The following RANBP10 variants were observed in gnomAD, a reference collection of about 807,000 sequenced individuals.
RANBP10 encodes the protein ran-binding protein 10.
RANBP10 carries 24 observed loss-of-function variants against 72.8 expected under a neutral mutation model. The observed-to-expected ratio is 0.33, with a 90% CI of 0.24 to 0.46. The LOEUF (loss-of-function observed/expected upper bound fraction) is 0.46, where lower values mean the gene tolerates loss of function less well. Among genes scored for constraint, RANBP10 ranks in the 20% least tolerant of loss-of-function variants. RANBP10 has a pLI of 1.00. For missense variants in RANBP10, 679 were observed against 817.5 expected, an observed-to-expected ratio of 0.83 and a Z score of 2.07; for synonymous variants, 310 against 322.3, an observed-to-expected ratio of 0.96 and a Z score of 0.41.
intron 2 of RANBP10, among the ~76,000 whole-genome samples, chr16:67,788,183 TTGAC>T (rs981352831): frequency 2.6e-5 from 4 of 151,920 alleles, no homozygotes; most frequent in Non-Finnish European, 5.9e-5. Flanking sequence ...GGAACTTTGA[TTGAC>T]TGACTGATTG....
At chr16:67,765,784 C>T (rs761390516) in intron 3 of RANBP10, among the ~76,000 whole-genome samples, 4 of 151,940 alleles carry the variant, frequency 2.6e-5, no homozygotes, top group Non-Finnish European at 5.9e-5. Flanking sequence ...TGCAGTGAGC[C>T]GAGATCGCGC....
At chr16:67,757,476 C>A (rs1446841622) in intron 3 of RANBP10, among the ~76,000 whole-genome samples, 1 of 152,112 alleles carries the variant, frequency 6.6e-6, no homozygotes, top group Admixed American at 6.6e-5. Flanking sequence ...ATGAGTGCTG[C>A]GCTGGCTTGG....
intron 6 of RANBP10, among the ~76,000 whole-genome samples, chr16:67,733,500 C>CA (rs1425861755): frequency 1.3e-5 from 2 of 152,126 alleles, no homozygotes; most frequent in African/African-American, 4.8e-5. Context: ...CCTGACCTTC[C>CA]ACTAGAGGAA....
intron 3 of RANBP10, among the ~76,000 whole-genome samples, chr16:67,770,226 A>G (rs1170718339): frequency 2.6e-5 from 4 of 152,146 alleles, no homozygotes; most frequent in Admixed American, 6.6e-5. Context: ...AGAGCTACAG[A>G]TACTACAGCT....
chr16:67,740,567 C>T (rs1036341651), intron 4 of RANBP10, among the ~76,000 whole-genome samples: 1 of 152,066 alleles, frequency 6.6e-6, no homozygotes, highest in African/African-American at 2.4e-5. Context: ...GGTCTGACAA[C>T]AGGTCTCCCA....
chr16:67,735,097 CCTCACCTCACCTCCATGG>C, intron 5 of RANBP10, 55 bp from the exon 6 acceptor site: 1 of 1,440,210 alleles, frequency 6.9e-7, no homozygotes, highest in Non-Finnish European at 9.4e-7. Context: ...GGTTCTAAGG[CCTCACCTCACCTCCATGG>C]CTGCTGCTGG....
In RANBP10 at chr16:67,726,523, G is replaced by A. The variant is rs753280587; in HGVS notation, c.1768C>T (p.Leu590Phe). 8.3e-6 allele frequency: 13 copies of A among 1,571,994 alleles called. No homozygotes were observed. In the Middle Eastern group the frequency reaches 8.3e-4, roughly 100 times the overall value. The change falls in exon 14 of 14, where the codon CTC (leucine) becomes TTC (phenylalanine). Residue 590 changes from leucine (L) to phenylalanine (F), a missense_variant. Transcript: ENST00000317506. Reference sequence around the variant, plus strand: ...CACTCAGATGCCTGGCCCAGGGCGAGCATCAGAGGGGGCTGCTTTGGCAGG... The same window carrying A: ...CACTCAGATGCCTGGCCCAGGGCGAACATCAGAGGGGGCTGCTTTGGCAGG... ...QNLPKQPPLM[L>F]ALGQASECLR...
In RANBP10 at chr16:67,729,061, C is replaced by T. The variant is rs1017703386; in HGVS notation, c.1352+219G>A. Among the ~76,000 whole-genome samples the T allele has an allele frequency of 6.6e-6, 1 of 152,242 alleles. No individual in the cohort carries two copies. Among genetic ancestry groups the T allele is most frequent in the Non-Finnish European group, 1.5e-5 (1 of 68,044 alleles). ...CATCCTCAGCCTGGCATCATTGGAGCCTCTGGAGAAAGCCAAGGCCAAAGA... is the reference window on the plus strand; with the variant it reads ...CATCCTCAGCCTGGCATCATTGGAGTCTCTGGAGAAAGCCAAGGCCAAAGA... On this transcript the variant is annotated intron_variant, in intron 10 of 13. Coordinates refer to ENST00000317506, the MANE Select transcript of RANBP10 (RefSeq NM_020850.3). This position sits in a 1 kb window ranked among gnomAD's most constrained non-coding sequence, Gnocchi z 7.1.
intron 3 of RANBP10, among the ~76,000 whole-genome samples, chr16:67,754,878 G>A (rs964127576): frequency 6.6e-6 from 1 of 152,182 alleles, no homozygotes; most frequent in African/African-American, 2.4e-5. Context: ...GAGGGAGTAG[G>A]CATGGTTGTC....
intron 2 of RANBP10, among the ~76,000 whole-genome samples, chr16:67,779,688 C>A (rs1320192228): frequency 3.3e-5 from 5 of 152,104 alleles, no homozygotes; most frequent in South Asian, 2.1e-4. Flanking sequence ...TGATAAATTT[C>A]TTTTCATAGA....
At chr16:67,774,701 T>A (rs991953482) in intron 2 of RANBP10, among the ~76,000 whole-genome samples, 2 of 152,128 alleles carry the variant, frequency 1.3e-5, no homozygotes, top group Admixed American at 6.6e-5. Context: ...CATATTCCAA[T>A]GAGGTCACAG....
chr16:67,726,216 C>G lies in RANBP10; in HGVS notation c.*212G>C. 1 of 606,166 alleles carries G rather than the reference C, an allele frequency of 1.6e-6. No individual in the cohort carries two copies. Among genetic ancestry groups the G allele is most frequent in the Non-Finnish European group, 2.8e-6 (1 of 360,282 alleles). The allele number at this position is 606,166 out of a possible 1,614,324, so 37.5% of individuals were successfully genotyped here. A position where few individuals can be genotyped will look rare whatever the true frequency, so the allele number is the denominator to read the frequency against. On this transcript the variant is annotated 3_prime_UTR_variant, in exon 14 of 14. Transcript: ENST00000317506. ...AACCAGCCAATACTGTGTTACAGGC[C>G]GCTGCACGTGAAGGGGAGAGAGAGA... is the stretch of plus-strand genomic sequence containing the variant.
At chr16:67,778,477 G>A (rs2054751022) in intron 2 of RANBP10, among the ~76,000 whole-genome samples, 1 of 152,194 alleles carries the variant, frequency 6.6e-6, no homozygotes, top group African/African-American at 2.4e-5. Context: ...CAAGCTTCAT[G>A]ACATTGGATT....
intron 2 of RANBP10, among the ~76,000 whole-genome samples, chr16:67,773,737 A>C (rs2054648166): frequency 6.6e-6 from 1 of 152,232 alleles, no homozygotes; most frequent in Non-Finnish European, 1.5e-5. Context: ...CAAAAGGAAC[A>C]GCACTTCAAA....
At chr16:67,754,572 G>A (rs2054254633) in intron 3 of RANBP10, among the ~76,000 whole-genome samples, 1 of 152,214 alleles carries the variant, frequency 6.6e-6, no homozygotes, top group South Asian at 2.1e-4. Context: ...GTACAGTGGA[G>A]AGGAACTGGC....
intron 3 of RANBP10, among the ~76,000 whole-genome samples, chr16:67,756,839 C>T (rs1302669487): frequency 1.3e-5 from 2 of 152,182 alleles, no homozygotes; most frequent in Non-Finnish European, 2.9e-5. Context: ...GAGCTCGAAT[C>T]CCAATTCTGT....
At chr16:67,798,596 C>A (rs1018793081) in intron 2 of RANBP10, among the ~76,000 whole-genome samples, 1 of 152,166 alleles carries the variant, frequency 6.6e-6, no homozygotes, top group African/African-American at 2.4e-5. Flanking sequence ...AACCAAAATA[C>A]CAGAACTCCA....
intron 3 of RANBP10, among the ~76,000 whole-genome samples, chr16:67,766,415 T>C (rs2054502838): frequency 1.3e-5 from 2 of 152,166 alleles, no homozygotes; most frequent in African/African-American, 4.8e-5. Context: ...GAAATGTGAT[T>C]CTCAATGATG....
At chr16:67,748,116 C>T (rs1239011144) in intron 3 of RANBP10, among the ~76,000 whole-genome samples, 14 of 151,900 alleles carry the variant, frequency 9.2e-5, no homozygotes, top group South Asian at 2.1e-4. Flanking sequence ...TGAGCCACTG[C>T]GCCCGGCCCT....
Sources: gnomAD v4.1 joint callset for allele counts (sites outside exome capture counted in the v4.1 genomes callset) on GRCh38, gnomAD v4.1.1 for gene constraint, Gnocchi (gnomAD v3.1) non-coding constraint, MANE v1.5 for transcripts, NCBI Gene and HGNC (gene_info 2026-07-23, HGNC 2026-07-21) for gene names.